Variants in KIF26B observed in about 807,000 individuals in gnomAD.
KIF26B encodes kinesin-like protein KIF26B.
Under a neutral mutation model 151.2 loss-of-function variants are expected in KIF26B, and 63 were observed. The observed-to-expected ratio is 0.42, with a 90% confidence interval of 0.34 to 0.51. The LOEUF (loss-of-function observed/expected upper bound fraction) is 0.51, where lower values mean the gene tolerates loss of function less well. Ranked by LOEUF, KIF26B falls within the 20% of genes least tolerant of loss-of-function variation. The probability of loss-of-function intolerance (pLI) is 0.07; values close to 1 mark genes in which losing one functional copy is unlikely to be tolerated. For synonymous variants in KIF26B, 1,357 were observed against 1,262.1 expected, an observed-to-expected ratio of 1.08 and a Z score of -1.59; for missense variants, 2,813 against 2,913.6, an observed-to-expected ratio of 0.97 and a Z score of 0.79.
chr1:245,367,395 G>T lies in KIF26B; in HGVS notation c.999+28G>T. 2 of 1,553,698 alleles carry T rather than the reference G, an allele frequency of 1.3e-6. No homozygotes were observed. Among genetic ancestry groups the T allele is most frequent in the Non-Finnish European group, 1.7e-6 (2 of 1,146,564 alleles). On this transcript the variant is annotated intron_variant, in intron 3 of 14. Coordinates refer to ENST00000407071, the MANE Select transcript of KIF26B (RefSeq NM_018012.4). The surrounding 1 kb of genome is among the most constrained non-coding windows in gnomAD (Gnocchi z 4.2). The stretch of plus-strand genomic sequence containing the variant: ...AAGTAGCCTGTGTGAGCCAGGAAGA[G>T]CAGGGCTGGCTGGAGTCAAAGCGGA...
intron 2 of KIF26B, among the ~76,000 whole-genome samples, chr1:245,186,728 T>C (rs963616582): frequency 1.3e-5 from 2 of 152,236 alleles, no homozygotes; most frequent in African/African-American, 4.8e-5. Context: ...TCAAATGAAA[T>C]AGCAGAAGTG....
intron 2 of KIF26B, among the ~76,000 whole-genome samples, chr1:245,349,705 G>C (rs969899182): frequency 1.3e-5 from 2 of 152,014 alleles, no homozygotes; most frequent in African/African-American, 4.8e-5. Flanking sequence ...CAATAAATCA[G>C]GTTATACTAT....
intron 12 of KIF26B, among the ~76,000 whole-genome samples, chr1:245,697,885 C>A (rs1166484255): frequency 6.6e-6 from 1 of 151,818 alleles, no homozygotes; most frequent in Admixed American, 6.6e-5. Context: ...CAAAAAAAAA[C>A]ATTTAATTAG....
intron 2 of KIF26B, among the ~76,000 whole-genome samples, chr1:245,207,880 G>A (rs1368432608): frequency 6.6e-6 from 1 of 152,176 alleles, no homozygotes; most frequent in Non-Finnish European, 1.5e-5. Context: ...ACTGTTAGAT[G>A]TCCTGAAAAA....
At chr1:245,157,637 C>T (rs1668468781) in intron 2 of KIF26B, among the ~76,000 whole-genome samples, 1 of 152,178 alleles carries the variant, frequency 6.6e-6, no homozygotes, top group African/African-American at 2.4e-5. Context: ...AACAAATGCC[C>T]ACAGACGCTG....
chr1:245,682,199 C>T (rs1026873545), intron 10 of KIF26B, among the ~76,000 whole-genome samples: 8 of 152,070 alleles, frequency 5.3e-5, no homozygotes, highest in Non-Finnish European at 1.2e-4. Context: ...GAGCCGAGAT[C>T]GTGCCGTTGC....
chr1:245,546,953 T>G (rs1238107981), intron 5 of KIF26B, among the ~76,000 whole-genome samples: 1 of 152,270 alleles, frequency 6.6e-6, no homozygotes, highest in Non-Finnish European at 1.5e-5. Flanking sequence ...AACCGATACC[T>G]CCAGAGAAAG....
chr1:245,541,402 G>A (rs1661619099), intron 5 of KIF26B, among the ~76,000 whole-genome samples: 1 of 152,212 alleles, frequency 6.6e-6, no homozygotes, highest in East Asian at 1.9e-4. Context: ...AGGGGATTGT[G>A]AGGAACGCTG....
intron 2 of KIF26B, among the ~76,000 whole-genome samples, chr1:245,311,831 G>A (rs1671671211): frequency 6.6e-6 from 1 of 152,134 alleles, no homozygotes; most frequent in Non-Finnish European, 1.5e-5. Flanking sequence ...TCAGGAGGCT[G>A]AGGCAGGAGA....
chr1:245,370,035 T>C (rs908985480), intron 3 of KIF26B, among the ~76,000 whole-genome samples: 1 of 152,178 alleles, frequency 6.6e-6, no homozygotes, highest in South Asian at 2.1e-4. Flanking sequence ...TAGAAAATTA[T>C]CAAAAGTAAC....
intron 5 of KIF26B, among the ~76,000 whole-genome samples, chr1:245,551,081 C>T (rs1661871282): frequency 1.3e-5 from 2 of 152,154 alleles, no homozygotes; most frequent in Non-Finnish European, 2.9e-5. Flanking sequence ...CGTCTTCCTT[C>T]GTCAGCCAGG....
rs1000604495 is a variant in KIF26B, at chr1:245,705,860, T to C, written c.*3254T>C. Reference sequence around the variant, plus strand: ...AAACTTTGATCTTGTTGTCCTTGAATTCCCCTCTACATCACGAGGAAGCTG... The same window carrying C: ...AAACTTTGATCTTGTTGTCCTTGAACTCCCCTCTACATCACGAGGAAGCTG... On this transcript the variant is annotated 3_prime_UTR_variant, in exon 15 of 15. Coordinates refer to ENST00000407071, the MANE Select transcript of KIF26B (RefSeq NM_018012.4). 1.3e-5 allele frequency: 2 copies of C among 152,230 alleles called. No individual in the cohort carries two copies. The highest frequency in any genetic ancestry group is 4.8e-5 in the African/African-American group (2 of 41,462). 9.4% of individuals were successfully genotyped at this position (152,230 alleles called of 1,614,324 possible).
At chr1:245,190,639 GT>G (rs56019423) in intron 2 of KIF26B, among the ~76,000 whole-genome samples, 8 of 140,104 alleles carry the variant, frequency 5.7e-5, no homozygotes, top group African/African-American at 8.2e-5. Context: ...GTTTTGTTTT[GT>G]TTTTTTTTTT....
chr1:245,485,951 G>A (rs1426683413), intron 4 of KIF26B, among the ~76,000 whole-genome samples: 2 of 152,222 alleles, frequency 1.3e-5, no homozygotes, highest in Non-Finnish European at 2.9e-5. Flanking sequence ...TTAAATATGA[G>A]TATTTTTCGT....
chr1:245,678,089 G>A (rs745604881), intron 10 of KIF26B, among the ~76,000 whole-genome samples: 1 of 152,232 alleles, frequency 6.6e-6, no homozygotes, highest in Non-Finnish European at 1.5e-5. Flanking sequence ...AAAAGAAAAG[G>A]ATCTTCACAG....
chr1:245,693,174 G>C (rs764217149), intron 12 of KIF26B, among the ~76,000 whole-genome samples: 4 of 152,316 alleles, frequency 2.6e-5, no homozygotes, highest in Non-Finnish European at 5.9e-5. Flanking sequence ...GGGGAAGTCT[G>C]ACAGTTAGAT....
chr1:245,547,780 T>C (rs1167507151), intron 5 of KIF26B, among the ~76,000 whole-genome samples: 2 of 152,126 alleles, frequency 1.3e-5, no homozygotes, highest in African/African-American at 4.8e-5. Context: ...TCGCTACATA[T>C]AAAATACTCA....
intron 2 of KIF26B, among the ~76,000 whole-genome samples, chr1:245,364,773 T>C (rs1032987496): frequency 1.1e-4 from 16 of 152,180 alleles, no homozygotes; most frequent in Non-Finnish European, 1.9e-4. Context: ...TCCATATGAT[T>C]GGGTTAGTAA....
intron 8 of KIF26B, among the ~76,000 whole-genome samples, chr1:245,609,843 G>A (rs995055204): frequency 5.3e-5 from 8 of 151,980 alleles, no homozygotes; most frequent in African/African-American, 9.7e-5. Context: ...ACAACAAACC[G>A]GAATATTTAC....
Sources: allele counts gnomAD v4.1 joint callset (sites outside exome capture counted in the v4.1 genomes callset), GRCh38; gene constraint gnomAD v4.1.1; non-coding constraint Gnocchi (gnomAD v3.1); transcripts MANE v1.5; gene names NCBI Gene and HGNC (gene_info 2026-07-23, HGNC 2026-07-21).